The following NDRG4 variants were observed in gnomAD, a reference collection of about 807,000 sequenced individuals.
The protein encoded by NDRG4 is protein NDRG4.
In NDRG4, 38 loss-of-function variants were observed where a neutral mutation model predicts 55.8. The ratio of observed to expected loss-of-function variants is 0.68; its 90% CI spans 0.53 to 0.89. NDRG4 has a LOEUF of 0.89. Ranked by LOEUF, NDRG4 falls within the 40% of genes least tolerant of loss-of-function variation. The probability of loss-of-function intolerance (pLI) is 0.00; values close to 1 mark genes in which losing one functional copy is unlikely to be tolerated. For synonymous variants in NDRG4, 190 were observed against 182.7 expected, an observed-to-expected ratio of 1.04 and a Z score of -0.32; for missense variants, 455 against 468.6, an observed-to-expected ratio of 0.97 and a Z score of 0.27.
rs1477142642 is a variant in NDRG4 at position 58,510,590 on chromosome 16, C to T, written c.866-55C>T. On this transcript the variant is annotated intron_variant, in intron 13 of 14. Transcript: ENST00000570248. ...TTGACTCAGCGGACCACGCTCTTCA[C>T]TGTGTTGTGTCTCCCCCATCCCCGC... 11 of 1,453,106 alleles carry T rather than the reference C, an allele frequency of 7.6e-6. No homozygotes were observed. In the East Asian group the frequency reaches 2.0e-4, roughly 26 times the overall value. The allele number at this position is 1,453,106 out of a possible 1,614,324, so 90.0% of individuals were successfully genotyped here. A position where few individuals can be genotyped will look rare whatever the true frequency, so the allele number is the denominator to read the frequency against.
upstream of NDRG4, among the ~76,000 whole-genome samples, chr16:58,497,454 G>A (rs1055535395): frequency 2.0e-5 from 3 of 152,244 alleles, no homozygotes; most frequent in Admixed American, 6.5e-5. Context: ...GGCCCACCCA[G>A]AGTGCTGGGG....
chr16:58,503,714 G>T, intron 1 of NDRG4, 84 bp from the exon 2 acceptor site: 1 of 1,585,966 alleles, frequency 6.3e-7, no homozygotes, highest in East Asian at 2.3e-5. Context: ...AGGCCTAACA[G>T]GTACCAGGCT....
intron 1 of NDRG4, chr16:58,501,384 G>A (rs2037081938): frequency 1.1e-5 from 3 of 285,144 alleles, no homozygotes; most frequent in Non-Finnish European, 1.9e-5. Flanking sequence ...GAGAGGAGCC[G>A]CCACAGCCCC....
intron 2 of NDRG4, among the ~76,000 whole-genome samples, chr16:58,488,633 T>C (rs921071420): frequency 1.3e-4 from 19 of 151,782 alleles, no homozygotes; most frequent in Non-Finnish European, 2.8e-4. Context: ...GGCACTGTAG[T>C]CTGCCCTGCC....
intron 1 of NDRG4, among the ~76,000 whole-genome samples, chr16:58,479,531 T>C (rs1292596368): frequency 6.6e-6 from 1 of 152,238 alleles, no homozygotes; most frequent in Non-Finnish European, 1.5e-5. Context: ...CAAGTTGTTC[T>C]CCAAATAAAG....
downstream of NDRG4, among the ~76,000 whole-genome samples, chr16:58,514,131 T>G (rs549337064): frequency 1.3e-5 from 2 of 152,308 alleles, no homozygotes; most frequent in Non-Finnish European, 2.9e-5. Flanking sequence ...GGTTAATGAT[T>G]ATACTCTGCA....
intron 8 of NDRG4, chr16:58,507,256 C>T (rs374746544): frequency 7.0e-5 from 38 of 545,726 alleles, no homozygotes; most frequent in East Asian, 1.2e-4. Context: ...GGGGGCTTCC[C>T]GCTTGGGAAT....
chr16:58,470,907 C>CAA (rs58487534), intron 1 of NDRG4, among the ~76,000 whole-genome samples: 3 of 132,990 alleles, frequency 2.3e-5, no homozygotes, highest in Non-Finnish European at 3.1e-5. Flanking sequence ...ACACCATCTC[C>CAA]AAAAAAAAAA....
At chr16:58,491,240 C>T (rs1435241941) in intron 2 of NDRG4, among the ~76,000 whole-genome samples, 1 of 152,022 alleles carries the variant, frequency 6.6e-6, no homozygotes, top group African/African-American at 2.4e-5. Flanking sequence ...CTCACCAGTG[C>T]ACTCCAGCCT....
chr16:58,512,452 G>A lies in NDRG4; in HGVS notation c.*876G>A, dbSNP rs2038907352. ...AGAGGCAGGGGTAGCTGAGTTCCTGGAGACCCCTTTTTTGCCCCCAGGTTC... is the reference window on the plus strand; with the variant it reads ...AGAGGCAGGGGTAGCTGAGTTCCTGAAGACCCCTTTTTTGCCCCCAGGTTC... On this transcript the variant is annotated 3_prime_UTR_variant, in exon 15 of 15. Transcript: ENST00000570248. The A allele has an allele frequency of 4.0e-6, 1 of 247,384 alleles. No homozygotes were observed. Among genetic ancestry groups the A allele is most frequent in the South Asian group, 4.0e-5 (1 of 24,838 alleles). The allele number at this position is 247,384 out of a possible 1,614,324, so 15.3% of individuals were successfully genotyped here. A position where few individuals can be genotyped will look rare whatever the true frequency, so the allele number is the denominator to read the frequency against.
downstream of NDRG4, chr16:58,513,676 A>G (rs772642614): frequency 8.0e-5 from 12 of 150,702 alleles, no homozygotes; most frequent in Admixed American, 2.7e-4. Flanking sequence ...AGCTCTCCTC[A>G]GCCAGGCACG....
chr16:58,503,958 G>A, intron 2 of NDRG4, 55 bp downstream of exon 2: 1 of 1,595,794 alleles, frequency 6.3e-7, no homozygotes, highest in Non-Finnish European at 8.6e-7. Flanking sequence ...AGCCAGAGCG[G>A]TGAGGCCCCC....
intron 12 of NDRG4, 55 bp from the exon 13 acceptor site, chr16:58,509,246 T>C (rs1597344199): frequency 7.4e-6 from 12 of 1,613,764 alleles, no homozygotes; most frequent in Non-Finnish European, 1.0e-5. Flanking sequence ...GCCTCTACCC[T>C]ACCTGCTAAT....
intron 1 of NDRG4, among the ~76,000 whole-genome samples, chr16:58,475,912 T>C (rs966635584): frequency 2.6e-5 from 4 of 152,168 alleles, no homozygotes; most frequent in African/African-American, 9.7e-5. Context: ...TTCTCCTGCC[T>C]CAGCCTCCCA....
At chr16:58,509,508 T>G in intron 13 of NDRG4, 156 bp downstream of exon 13, 2 of 740,268 alleles carry the variant, frequency 2.7e-6, no homozygotes, top group Non-Finnish European at 4.3e-6. Context: ...CCCCGGATGC[T>G]GGGCCCCACA....
At chr16:58,505,992 G>C in intron 5 of NDRG4, 1 of 336,504 alleles carries the variant, frequency 3.0e-6, no homozygotes, top group South Asian at 2.5e-5. Context: ...AAAGTGCTGG[G>C]ATTACAGGCG....
At chr16:58,515,012 A>C (rs1430805964), downstream of NDRG4, among the ~76,000 whole-genome samples, 1 of 152,220 alleles carries the variant, frequency 6.6e-6, no homozygotes, top group African/African-American at 2.4e-5. Flanking sequence ...CTGGCAAATA[A>C]GGGCAGAGAG....
rs374142391 is a variant in NDRG4, at chr16:58,505,419, CAAAAAAA to C, written c.372+778_372+784del. On this transcript the variant is annotated intron_variant, in intron 5 of 14. Coordinates refer to ENST00000570248, the MANE Select transcript of NDRG4 (RefSeq NM_001242835.2). ...CAAGCTTTTCATCTCTAAAAACAAGCAAAAAAAAAAAAAACAAAAACCCAAAAGACTA... is the reference window on the plus strand; with the variant it reads ...CAAGCTTTTCATCTCTAAAAACAAGCAAAAAAACAAAAACCCAAAAGACTA... Among the ~76,000 whole-genome samples the C allele has an allele frequency of 1.7e-4, 14 of 81,916 alleles. 1 individual carries two copies. The South Asian group carries it at 4.0e-3, about 23-fold the overall frequency. 53.7% of individuals were successfully genotyped at this position (81,916 alleles called of 152,430 possible). A position where few individuals can be genotyped will look rare whatever the true frequency, so the allele number is the denominator to read the frequency against.
upstream of NDRG4, among the ~76,000 whole-genome samples, chr16:58,496,131 G>A (rs2036375648): frequency 3.3e-5 from 5 of 152,284 alleles, no homozygotes; most frequent in Middle Eastern, 3.4e-3. Flanking sequence ...GTGGGAGGCC[G>A]ACGCCAACAG....
Sources: gnomAD v4.1 joint callset for allele counts (sites outside exome capture counted in the v4.1 genomes callset) on GRCh38, gnomAD v4.1.1 for gene constraint, MANE v1.5 for transcripts, NCBI Gene and HGNC (gene_info 2026-07-23, HGNC 2026-07-21) for gene names.